The following TOR1AIP1 variants were observed in gnomAD, a reference collection of about 807,000 sequenced individuals.
TOR1AIP1 encodes torsin-1A-interacting protein 1.
TOR1AIP1 carries 54 observed loss-of-function variants against 63.3 expected under a neutral mutation model. The ratio of observed to expected loss-of-function variants is 0.85; its 90% CI spans 0.69 to 1.07. TOR1AIP1 has a LOEUF of 1.07. TOR1AIP1 is among the 50% of genes least tolerant of loss of function. TOR1AIP1 has a pLI of 0.00. For synonymous variants in TOR1AIP1, 294 were observed against 273.5 expected, an observed-to-expected ratio of 1.07 and a Z score of -0.74; for missense variants, 736 against 715.0, an observed-to-expected ratio of 1.03 and a Z score of -0.33.
Position 179,918,147 on chromosome 1 carries a change from C to A in TOR1AIP1, c.1660C>A (p.Pro554Thr). The A allele has an allele frequency of 6.2e-7, 1 of 1,613,612 alleles. No homozygotes were observed. The highest frequency in any genetic ancestry group is 8.5e-7 in the Non-Finnish European group (1 of 1,180,008). The change falls in exon 10 of 10, where the codon CCA (proline) becomes ACA (threonine). Residue 554 changes from proline (P) to threonine (T), a missense_variant. Physicochemically the swap from Pro to Thr is conservative, Grantham distance 38. Transcript: ENST00000606911. ...NTPNSYNHMD[P>T]DKLNGLWSRI... is the part of the protein sequence containing the mutation. ...ACCCAACTCCTACAATCATATGGAC[C>A]CAGACAAACTGAATGGCCTCTGGAG...
chr1:179,908,774 T>G, intron 8 of TOR1AIP1, 101 bp downstream of exon 8: 1 of 971,318 alleles, frequency 1.0e-6, no homozygotes, highest in Non-Finnish European at 1.6e-6. Context: ...AGGTTGTTTG[T>G]GATTTCACTA....
chr1:179,897,532 G>A (rs1302622851), intron 3 of TOR1AIP1, among the ~76,000 whole-genome samples: 5 of 152,240 alleles, frequency 3.3e-5, no homozygotes, highest in Admixed American at 2.0e-4. Context: ...CTACTGTACT[G>A]TGTACTGTAC....
chr1:179,907,593 T>TTATATATATATATATATATATATATATA (rs55752745), intron 6 of TOR1AIP1, among the ~76,000 whole-genome samples: 28 of 63,230 alleles, frequency 4.4e-4, no homozygotes, highest in South Asian at 3.0e-3. Flanking sequence ...CACACACACT[T>TTATATATATATATATATATATATATATA]TATATATATA....
chr1:179,883,137 C>T, intron 1 of TOR1AIP1, 160 bp downstream of exon 1: 1 of 685,876 alleles, frequency 1.5e-6, no homozygotes, highest in Non-Finnish European at 2.4e-6. Flanking sequence ...GTGCAAGGGC[C>T]ACCCTGACCC....
chr1:179,882,384 G>T lies in TOR1AIP1; in HGVS notation c.-119G>T. ...GCGGCGGCCCCAGCGACTCGCAACT[G>T]CCTCCCTGACCACAGCGGCCACCGC... On this transcript the variant is annotated 5_prime_UTR_variant, in exon 1 of 10. Transcript: ENST00000606911. 9.3e-7 allele frequency: 1 copy of T among 1,072,382 alleles called. No individual in the cohort carries two copies. Among genetic ancestry groups the T allele is most frequent in the Non-Finnish European group, 1.2e-6 (1 of 805,286 alleles). 66.4% of individuals were successfully genotyped at this position (1,072,382 alleles called of 1,614,324 possible). A position where few individuals can be genotyped will look rare whatever the true frequency, so the allele number is the denominator to read the frequency against.
In TOR1AIP1 at chr1:179,889,312, G is replaced by T; in HGVS notation, c.554-1G>T. 2 of 1,597,736 alleles carry T rather than the reference G, an allele frequency of 1.3e-6. No homozygotes were observed. Among genetic ancestry groups the T allele is most frequent in the Non-Finnish European group, 1.7e-6 (2 of 1,167,288 alleles). Reference sequence around the variant, plus strand: ...AATGTTTTCTCTTCCTATATTAGCAGTGAGTGAAGATCTTGTAATCAGGTT... The same window carrying T: ...AATGTTTTCTCTTCCTATATTAGCATTGAGTGAAGATCTTGTAATCAGGTT... On this transcript the variant is annotated splice_acceptor_variant, in intron 2 of 9. Coordinates refer to ENST00000606911, the MANE Select transcript of TOR1AIP1 (RefSeq NM_015602.4). LOFTEE classifies it high-confidence loss of function.
chr1:179,908,698 G>T, intron 8 of TOR1AIP1, 25 bp downstream of exon 8: 1 of 1,585,124 alleles, frequency 6.3e-7, no homozygotes, highest in South Asian at 1.1e-5. Context: ...CTCTGTTATT[G>T]AAATAATCTT....
At chr1:179,905,515 G>T (rs183801627) in intron 6 of TOR1AIP1, among the ~76,000 whole-genome samples, 186 of 152,194 alleles carry the variant, frequency 1.2e-3, no homozygotes, top group African/African-American at 4.1e-3. Context: ...GACATAAAAT[G>T]AATTAGCTGC....
At chr1:179,891,627 G>A (rs1034077925) in intron 3 of TOR1AIP1, among the ~76,000 whole-genome samples, 20 of 151,456 alleles carry the variant, frequency 1.3e-4, no homozygotes, top group Admixed American at 3.3e-4. Context: ...GTGCAATGGC[G>A]TGATCTTGGC....
intron 3 of TOR1AIP1, among the ~76,000 whole-genome samples, chr1:179,892,551 C>A (rs1041807129): frequency 7.2e-5 from 11 of 151,744 alleles, no homozygotes; most frequent in African/African-American, 2.7e-4. Flanking sequence ...TCCTGGCTAA[C>A]ATGGTGAAAC....
At chr1:179,883,040 G>T in intron 1 of TOR1AIP1, 63 bp downstream of exon 1, 15 of 1,480,958 alleles carry the variant, frequency 1.0e-5, no homozygotes, top group Non-Finnish European at 1.4e-5. Flanking sequence ...GCGGGCGCGC[G>T]CCTCGGTGGA....
At chr1:179,902,351 A>T (rs1648495111) in intron 5 of TOR1AIP1, among the ~76,000 whole-genome samples, 1 of 151,466 alleles carries the variant, frequency 6.6e-6, no homozygotes, top group South Asian at 2.1e-4. Flanking sequence ...TTACCTCATC[A>T]TTTCACTTTA....
At chr1:179,886,423 C>T (rs1647909719) in intron 2 of TOR1AIP1, among the ~76,000 whole-genome samples, 1 of 152,180 alleles carries the variant, frequency 6.6e-6, no homozygotes, top group Non-Finnish European at 1.5e-5. Context: ...GAGCATTGGA[C>T]CTCAGTGAAG....
chr1:179,884,605 T>G, intron 1 of TOR1AIP1, 87 bp from the exon 2 acceptor site: 3 of 1,127,852 alleles, frequency 2.7e-6, no homozygotes, highest in Non-Finnish European at 3.8e-6. Flanking sequence ...TTTTTGCTTA[T>G]GTATTGTTAC....
At chr1:179,913,368 A>G (rs920697837) in intron 8 of TOR1AIP1, among the ~76,000 whole-genome samples, 3 of 152,198 alleles carry the variant, frequency 2.0e-5, no homozygotes, top group African/African-American at 7.2e-5. Flanking sequence ...AAACAGAATT[A>G]CTTTATTACT....
chr1:179,901,369 GGA>G lies in TOR1AIP1; in HGVS notation c.721_722del (p.Asp241PhefsTer2). ...SVTTVKARSR[D>X]SDESGDKTTR... ...TCACTACTGTTAAGGCCAGATCCAGGGATTCTGATGAATCTGGAGGTAATATT... is the reference window on the plus strand; with the variant it reads ...TCACTACTGTTAAGGCCAGATCCAGGTTCTGATGAATCTGGAGGTAATATT... On this transcript the variant is annotated frameshift_variant, in exon 5 of 10. Transcript: ENST00000606911. LOFTEE classifies it high-confidence loss of function. The G allele has an allele frequency of 6.2e-7, 1 of 1,603,682 alleles. No homozygotes were observed. Among genetic ancestry groups the G allele is most frequent in the Non-Finnish European group, 8.5e-7 (1 of 1,173,782 alleles).
At chr1:179,895,745 C>CA (rs1195061329) in intron 3 of TOR1AIP1, among the ~76,000 whole-genome samples, 5 of 151,854 alleles carry the variant, frequency 3.3e-5, no homozygotes, top group African/African-American at 4.8e-5. Context: ...ACTAAAAATA[C>CA]AAAAATTAGC....
intron 3 of TOR1AIP1, among the ~76,000 whole-genome samples, chr1:179,892,022 T>C (rs749688181): frequency 6.6e-6 from 1 of 152,232 alleles, no homozygotes; most frequent in African/African-American, 2.4e-5. Context: ...TGAATCTACA[T>C]TGAATGTTGT....
chr1:179,897,694 T>G (rs1171892641), intron 3 of TOR1AIP1, among the ~76,000 whole-genome samples: 1 of 152,172 alleles, frequency 6.6e-6, no homozygotes, highest in African/African-American at 2.4e-5. Flanking sequence ...CACTGAAATA[T>G]AAATGGGACC....
Sources: gnomAD v4.1 joint callset for allele counts (sites outside exome capture counted in the v4.1 genomes callset) on GRCh38, gnomAD v4.1.1 for gene constraint, MANE v1.5 for transcripts, NCBI Gene and HGNC (gene_info 2026-07-23, HGNC 2026-07-21) for gene names.